The following OPRM1 variants were observed in gnomAD, a reference collection of about 807,000 sequenced individuals.
The protein encoded by OPRM1 is mu-type opioid receptor.
In OPRM1, 27 loss-of-function variants were observed where a neutral mutation model predicts 31.8. That is an observed-to-expected ratio of 0.85 (90% CI 0.63 to 1.17). The LOEUF (loss-of-function observed/expected upper bound fraction) is 1.17. OPRM1 is among the 50% of genes most tolerant of loss of function. The probability of loss-of-function intolerance (pLI) is 0.00; values close to 1 mark genes in which losing one functional copy is unlikely to be tolerated. For synonymous variants in OPRM1, 196 were observed against 189.9 expected, an observed-to-expected ratio of 1.03 and a Z score of -0.26; for missense variants, 536 against 511.1, an observed-to-expected ratio of 1.05 and a Z score of -0.47.
intron 3 of OPRM1, among the ~76,000 whole-genome samples, chr6:154,244,224 G>A (rs1024461732): frequency 1.3e-5 from 2 of 152,022 alleles, no homozygotes; most frequent in Non-Finnish European, 2.9e-5. Context: ...GAATATCACT[G>A]CTAATTAAGC....
chr6:154,094,911 C>G (rs1793089748), intron 3 of OPRM1, among the ~76,000 whole-genome samples: 1 of 152,202 alleles, frequency 6.6e-6, no homozygotes, highest in Non-Finnish European at 1.5e-5. Flanking sequence ...TAAGGACATG[C>G]TGCATGAGAC....
chr6:154,110,494 T>C (rs1796222782), intron 3 of OPRM1: 1 of 865,452 alleles, frequency 1.2e-6, no homozygotes, highest in African/African-American at 1.7e-5. Flanking sequence ...ATGGAGACCA[T>C]TTGTGTGAGT....
rs1366602984 is a variant in OPRM1, at chr6:154,120,577, A to G, written c.*1856A>G. On this transcript the variant is annotated 3_prime_UTR_variant, in exon 4 of 4. Transcript: ENST00000330432. ...GTTAAATAAGTGTACTAGGGTGTAT[A>G]TATTTACATATATACACTACTAGAG... Among the ~76,000 whole-genome samples the G allele has an allele frequency of 6.6e-6, 1 of 152,190 alleles. No individual in the cohort carries two copies. The highest frequency in any genetic ancestry group is 1.5e-5 in the Non-Finnish European group (1 of 68,020).
At chr6:154,201,371 T>C (rs1162920610) in intron 3 of OPRM1, among the ~76,000 whole-genome samples, 1 of 152,222 alleles carries the variant, frequency 6.6e-6, no homozygotes, top group Non-Finnish European at 1.5e-5. Context: ...TCTTTGTCTC[T>C]TTGTCTCTTT....
At chr6:154,066,504 TATGCACCCTCCC>T (rs1490513247) in intron 1 of OPRM1, among the ~76,000 whole-genome samples, 4 of 152,030 alleles carry the variant, frequency 2.6e-5, no homozygotes, top group Non-Finnish European at 5.9e-5. Context: ...TGAATTGAAT[TATGCACCCTCCC>T]ATCCCCCCCA....
intron 1 of OPRM1, among the ~76,000 whole-genome samples, chr6:154,028,268 A>T (rs912904173): frequency 6.6e-6 from 1 of 152,008 alleles, no homozygotes; most frequent in Admixed American, 6.5e-5. Flanking sequence ...GTGTCTAGAG[A>T]TGTCATCCAG....
intron 3 of OPRM1, among the ~76,000 whole-genome samples, chr6:154,143,803 C>T (rs567461794): frequency 1.3e-5 from 2 of 152,112 alleles, no homozygotes; most frequent in South Asian, 4.1e-4. Context: ...TTCCTTACTT[C>T]TACTACAAAA....
chr6:154,223,196 T>G (rs1779001531), intron 3 of OPRM1: 1 of 1,613,840 alleles, frequency 6.2e-7, no homozygotes, highest in South Asian at 1.1e-5. Context: ...CAGATGCTCT[T>G]TCCACAGTGA....
intron 3 of OPRM1, among the ~76,000 whole-genome samples, chr6:154,092,867 A>G (rs1792601606): frequency 6.6e-6 from 1 of 152,214 alleles, no homozygotes; most frequent in Admixed American, 6.5e-5. Context: ...AAGGGAAATT[A>G]ACTTATTATG....
chr6:154,152,458 T>C (rs769321845), intron 3 of OPRM1, among the ~76,000 whole-genome samples: 5 of 152,088 alleles, frequency 3.3e-5, no homozygotes, highest in Admixed American at 6.5e-5. Flanking sequence ...TATCCATGCA[T>C]TTCAACAGCA....
intron 3 of OPRM1, chr6:154,223,204 T>C (rs1386898241): frequency 1.2e-6 from 2 of 1,613,778 alleles, no homozygotes; most frequent in Admixed American, 3.3e-5. Context: ...CTTTCCACAG[T>C]GAAATCAGGC....
At chr6:154,019,563 C>G (rs777071457) in intron 1 of OPRM1, among the ~76,000 whole-genome samples, 1 of 152,020 alleles carries the variant, frequency 6.6e-6, no homozygotes, top group Non-Finnish European at 1.5e-5. Context: ...TTCCTCCCTC[C>G]CTCCAATCTC....
chr6:154,099,348 CGAGAGAGA>C, intron 3 of OPRM1, among the ~76,000 whole-genome samples: 1 of 125,144 alleles, frequency 8.0e-6, no homozygotes, highest in African/African-American at 3.2e-5. Flanking sequence ...AGGAAGAGAG[CGAGAGAGA>C]GAGAGAGAGA....
rs1797172560 is a variant in OPRM1, at chr6:154,119,227, A to G, written c.*506A>G. 2.0e-6 allele frequency: 2 copies of G among 985,788 alleles called. No homozygotes were observed. The highest frequency in any genetic ancestry group is 6.1e-5 in the Admixed American group (1 of 16,282). The allele number at this position is 985,788 out of a possible 1,614,324, so 61.1% of individuals were successfully genotyped here. ...AGACTTTTAACTTCACCTTAAAATT[A>G]GCATCTGGCTAAGGCATCATTTTCA... On this transcript the variant is annotated 3_prime_UTR_variant, in exon 4 of 4. Coordinates refer to ENST00000330432, the MANE Select transcript of OPRM1 (RefSeq NM_000914.5).
intron 3 of OPRM1, among the ~76,000 whole-genome samples, chr6:154,188,779 C>G (rs1005843537): frequency 2.0e-5 from 3 of 152,080 alleles, no homozygotes; most frequent in Admixed American, 1.3e-4. Context: ...ATGGCGTGTA[C>G]AGAAATGATA....
chr6:154,202,093 C>G (rs1196165860), intron 3 of OPRM1, among the ~76,000 whole-genome samples: 1 of 152,122 alleles, frequency 6.6e-6, no homozygotes, highest in African/African-American at 2.4e-5. Context: ...ATGGGAGAAG[C>G]CAATATTTAC....
chr6:154,226,471 G>A (rs1277149468), intron 3 of OPRM1, among the ~76,000 whole-genome samples: 4 of 152,006 alleles, frequency 2.6e-5, no homozygotes, highest in African/African-American at 9.7e-5. Context: ...ACATGTGAGA[G>A]ACATCCCCAA....
At chr6:154,193,356 C>T (rs1486612140) in intron 3 of OPRM1, among the ~76,000 whole-genome samples, 3 of 152,088 alleles carry the variant, frequency 2.0e-5, no homozygotes, top group Middle Eastern at 3.4e-3. Context: ...TTTGGGGACT[C>T]GGGGGAAAGG....
chr6:154,156,617 A>G (rs1344841609), intron 3 of OPRM1: 1 of 152,350 alleles, frequency 6.6e-6, no homozygotes, highest in East Asian at 1.9e-4. Context: ...TTTCACATTG[A>G]AATCTGACTC....
Sources: allele counts gnomAD v4.1 joint callset (sites outside exome capture counted in the v4.1 genomes callset), GRCh38; gene constraint gnomAD v4.1.1; transcripts MANE v1.5; gene names NCBI Gene and HGNC (gene_info 2026-07-23, HGNC 2026-07-21).